Variants in CYP19A1 observed in about 807,000 individuals in gnomAD.
CYP19A1 encodes aromatase.
In CYP19A1, 32 loss-of-function variants were observed where a neutral mutation model predicts 44.4. The ratio of observed to expected loss-of-function variants is 0.72; its 90% confidence interval spans 0.54 to 0.97. CYP19A1 has a LOEUF of 0.97. Among genes scored for constraint, CYP19A1 ranks in the 50% least tolerant of loss-of-function variants. The pLI is 0.00. For synonymous variants in CYP19A1, 212 were observed against 215.6 expected (o/e 0.98, Z 0.14); for missense variants, 598 against 637.8 (o/e 0.94, Z 0.67).
intron 9 of CYP19A1, among the ~76,000 whole-genome samples, chr15:51,211,484 A>T (rs1229785557): frequency 2.0e-5 from 3 of 152,236 alleles, no homozygotes; most frequent in Non-Finnish European, 4.4e-5. Context: ...CAAGCATCTA[A>T]CTATTTGTAG....
intron 1 of CYP19A1, among the ~76,000 whole-genome samples, chr15:51,293,309 CTG>C (rs1330855638): frequency 1.3e-5 from 2 of 152,070 alleles, no homozygotes; most frequent in Non-Finnish European, 2.9e-5. Flanking sequence ...ATATTGCCAA[CTG>C]TAGAATTTGC....
At chr15:51,312,036 A>G (rs2036320834) in intron 1 of CYP19A1, among the ~76,000 whole-genome samples, 1 of 152,200 alleles carries the variant, frequency 6.6e-6, no homozygotes, top group Non-Finnish European at 1.5e-5. Context: ...AGTCTTTTCA[A>G]TCCTTATAAT....
chr15:51,221,370 CA>C (rs2032062740), intron 5 of CYP19A1: 1 of 151,898 alleles, frequency 6.6e-6, no homozygotes, highest in Admixed American at 6.6e-5. Flanking sequence ...AAGAAGAAAA[CA>C]AAAAGGGTGT....
At chr15:51,330,208 T>A (rs1033653626) in intron 1 of CYP19A1, among the ~76,000 whole-genome samples, 7 of 152,038 alleles carry the variant, frequency 4.6e-5, no homozygotes, top group South Asian at 2.1e-4. Flanking sequence ...GCCCTGTGTA[T>A]GAACATATCA....
At position 51,287,188 on chromosome 15, in the gene CYP19A1, C is replaced by G. The variant is rs142246639; in HGVS notation, c.-38-44238G>C. Among the ~76,000 whole-genome samples the G allele has an allele frequency of 1.2e-3, 178 of 152,292 alleles. 2 individuals are homozygous for G. The East Asian group carries it at 0.033, about 28-fold the overall frequency. On this transcript the variant is annotated intron_variant, in intron 1 of 9. Coordinates refer to ENST00000396402, the MANE Select transcript of CYP19A1 (RefSeq NM_000103.4). ...AGCAAGAAAATTTATTAGTCCTTCC[C>G]TTCTTGCCTATCTTGTTCTTCCCAG...
Position 51,245,455 on chromosome 15 carries a change from G to A in CYP19A1, c.-38-2505C>T, listed in dbSNP as rs1347713570. 3.9e-5 allele frequency among the ~76,000 whole-genome samples: 6 copies of A among 152,174 alleles called. No individual in the cohort carries two copies. In the South Asian group the frequency reaches 6.2e-4, roughly 16 times the overall value. ...TGCTGCACCCACTAACTCGTCATCT[G>A]CATGGGCAAGGACTTCATGTCTAAA... is the stretch of plus-strand genomic sequence containing the variant. On this transcript the variant is annotated intron_variant, in intron 1 of 9. Transcript: ENST00000396402.
intron 1 of CYP19A1, among the ~76,000 whole-genome samples, chr15:51,257,489 C>T (rs900103987): frequency 1.3e-5 from 2 of 152,172 alleles, no homozygotes; most frequent in African/African-American, 2.4e-5. Context: ...CTCCCACAAC[C>T]TCGAGGGCCC....
intron 1 of CYP19A1, among the ~76,000 whole-genome samples, chr15:51,258,209 C>T (rs766011539): frequency 1.3e-5 from 2 of 152,142 alleles, no homozygotes; most frequent in Non-Finnish European, 1.5e-5. Context: ...TGCAAAGGAC[C>T]GGAGGCAGTA....
chr15:51,285,506 T>TG (rs1376290823), intron 1 of CYP19A1, among the ~76,000 whole-genome samples: 2 of 152,216 alleles, frequency 1.3e-5, no homozygotes, highest in East Asian at 3.9e-4. Flanking sequence ...AGCTGAGTGT[T>TG]GGGAAAAAAG....
At chr15:51,327,428 C>T (rs1378575814) in intron 1 of CYP19A1, among the ~76,000 whole-genome samples, 1 of 151,832 alleles carries the variant, frequency 6.6e-6, no homozygotes, top group Non-Finnish European at 1.5e-5. Flanking sequence ...AATGTTCTCA[C>T]CCCCCAAATC....
In CYP19A1 at chr15:51,225,779, T is replaced by C. The variant is rs533163135; in HGVS notation, c.451+2000A>G. ...TAAGGTTAAGGACCTTGAGATGGGG[T>C]GGGCCAAACCTAATCATGAGTTCTT... is the stretch of plus-strand genomic sequence containing the variant. On this transcript the variant is annotated intron_variant, in intron 4 of 9. Coordinates refer to ENST00000396402, the MANE Select transcript of CYP19A1 (RefSeq NM_000103.4). 3.9e-5 allele frequency among the ~76,000 whole-genome samples: 6 copies of C among 152,016 alleles called. No homozygotes were observed. In the South Asian group the frequency reaches 1.2e-3, roughly 32 times the overall value.
At chr15:51,268,577 C>G (rs758481744) in intron 1 of CYP19A1, among the ~76,000 whole-genome samples, 34 of 144,358 alleles carry the variant, frequency 2.4e-4, no homozygotes, top group Non-Finnish European at 4.7e-4. Context: ...TGTCAGTGCA[C>G]AAGTCTTTGT....
Position 51,227,876 on chromosome 15 carries a change from G to T in CYP19A1, c.354C>A (p.Ser118Arg). ...KHNHYSSRFG[S>R]KLGLQCIGMH... Reference sequence around the variant, plus strand: ...TACCGATGCACTGCAGCCCAAGTTTGCTGCCGAATCGAGAGCTGTAATGAT... The same window carrying T: ...TACCGATGCACTGCAGCCCAAGTTTTCTGCCGAATCGAGAGCTGTAATGAT... Residue 118 changes from serine (S) to arginine (R), a missense_variant, in exon 4 of 10, where the codon AGC (serine) becomes AGA (arginine). By Grantham distance (110) the Ser-to-Arg change is moderately radical (BLOSUM62 -1). Coordinates refer to ENST00000396402, the MANE Select transcript of CYP19A1 (RefSeq NM_000103.4). The T allele has an allele frequency of 6.4e-7, 1 of 1,569,752 alleles. No individual in the cohort carries two copies. The highest frequency in any genetic ancestry group is 8.8e-7 in the Non-Finnish European group (1 of 1,139,584).
At chr15:51,334,311 C>G (rs1044684748) in intron 1 of CYP19A1, among the ~76,000 whole-genome samples, 1 of 152,204 alleles carries the variant, frequency 6.6e-6, no homozygotes, top group Non-Finnish European at 1.5e-5. Context: ...GGGCAGATCA[C>G]TTAAACCTCC....
chr15:51,225,420 C>A (rs1056974978), intron 4 of CYP19A1, among the ~76,000 whole-genome samples: 1 of 152,150 alleles, frequency 6.6e-6, no homozygotes, highest in African/African-American at 2.4e-5. Flanking sequence ...AGCATTATTT[C>A]ATTTGTTCTT....
At chr15:51,304,758 C>T (rs1255331051) in intron 1 of CYP19A1, among the ~76,000 whole-genome samples, 1 of 152,166 alleles carries the variant, frequency 6.6e-6, no homozygotes, top group Non-Finnish European at 1.5e-5. Flanking sequence ...AGAAAATCCT[C>T]AGCCTAATAT....
intron 8 of CYP19A1, 112 bp downstream of exon 8, chr15:51,214,958 T>C: frequency 6.7e-7 from 1 of 1,495,548 alleles, no homozygotes. Flanking sequence ...CTTTATTGTT[T>C]GGAGCAAATT....
rs149814013 is a variant in CYP19A1 at position 51,311,071 on chromosome 15, T to C, written c.-39+27424A>G. Among the ~76,000 whole-genome samples the C allele has an allele frequency of 2.0e-5, 3 of 152,180 alleles. No homozygotes were observed. In the East Asian group the frequency reaches 5.8e-4, roughly 29 times the overall value. On this transcript the variant is annotated intron_variant, in intron 1 of 9. Transcript: ENST00000396402. ...ACCCAGAGTCTCATAGTATACTATA[T>C]GAAATGTCCAGGAAACAATTTAAAA...
chr15:51,227,895 TAATGATTGTGCTTCATTATGTGG>T lies in CYP19A1; in HGVS notation c.312_334del (p.Phe104LeufsTer18), dbSNP rs745865546. The T allele has an allele frequency of 2.5e-6, 4 of 1,593,938 alleles. No individual in the cohort carries two copies. Among genetic ancestry groups the T allele is most frequent in the Non-Finnish European group, 3.4e-6 (4 of 1,161,538 alleles). On this transcript the variant is annotated frameshift_variant, in exon 4 of 10. Coordinates refer to ENST00000396402, the MANE Select transcript of CYP19A1 (RefSeq NM_000103.4). LOFTEE classifies it high-confidence loss of function. The stretch of plus-strand genomic sequence containing the variant: ...AAGTTTGCTGCCGAATCGAGAGCTG[TAATGATTGTGCTTCATTATGTGG>T]AACATACTTGAGGACCTGAAAAGAC...
Sources: allele counts gnomAD v4.1 joint callset (sites outside exome capture counted in the v4.1 genomes callset), GRCh38; gene constraint gnomAD v4.1.1; transcripts MANE v1.5; gene names NCBI Gene and HGNC (gene_info 2026-07-23, HGNC 2026-07-21).